COL18A1: variants seen among roughly 807,000 people sequenced by gnomAD.
The protein encoded by COL18A1 is collagen type XVIII alpha 1 chain, also known as collagen alpha-1(XVIII) chain.
A neutral mutation model predicts 168.0 loss-of-function variants in COL18A1; 133 were observed. That is an observed-to-expected ratio of 0.79 (90% CI 0.69 to 0.91). The LOEUF is 0.91. Among genes scored for constraint, COL18A1 ranks in the 40% least tolerant of loss-of-function variants. COL18A1 has a pLI of 0.00. For missense variants in COL18A1, 2,126 were observed against 1,925.4 expected (o/e 1.10, Z -1.95); for synonymous variants, 949 against 809.0 (o/e 1.17, Z -2.94).
At chr21:45,497,780 T>C in intron 32 of COL18A1, 119 bp downstream of exon 32, 1 of 1,382,782 alleles carries the variant, frequency 7.2e-7, no homozygotes, top group Non-Finnish European at 1.0e-6. Context: ...GGTGACCACC[T>C]CACCCTGCGG....
chr21:45,495,763 T>C, intron 29 of COL18A1: 1 of 374,670 alleles, frequency 2.7e-6, no homozygotes, highest in South Asian at 2.2e-5. Flanking sequence ...CACATGCCCA[T>C]ACACTCCACA....
chr21:45,459,347 G>C (rs1171396027), intron 2 of COL18A1, among the ~76,000 whole-genome samples: 4 of 152,232 alleles, frequency 2.6e-5, no homozygotes, highest in Admixed American at 2.6e-4. Context: ...CCCCGAAAGT[G>C]GGGGTGCTGG....
Position 45,505,314 on chromosome 21 carries a change from G to A in COL18A1, c.3013+36G>A, listed in dbSNP as rs551823807. 114 of 1,597,712 alleles carry A rather than the reference G, an allele frequency of 7.1e-5. 1 individual carries two copies. Among genetic ancestry groups the A allele is most frequent in the Admixed American group, 3.3e-4 (20 of 59,990 alleles). Reference sequence around the variant, plus strand: ...GGGGAGTGGGCCCCGGGCAGAGGCCGCCTCGTGTGGCTTCGTGTTCCCACC... The same window carrying A: ...GGGGAGTGGGCCCCGGGCAGAGGCCACCTCGTGTGGCTTCGTGTTCCCACC... On this transcript the variant is annotated intron_variant, in intron 35 of 41. Coordinates refer to ENST00000651438, the MANE Select transcript of COL18A1 (RefSeq NM_001379500.1).
At chr21:45,464,609 G>A (rs1041710219) in intron 2 of COL18A1, among the ~76,000 whole-genome samples, 11 of 152,142 alleles carry the variant, frequency 7.2e-5, no homozygotes, top group African/African-American at 2.4e-4. Flanking sequence ...CAGTTCACTG[G>A]GCTGAAACCA....
intron 4 of COL18A1, 48 bp from the exon 5 acceptor site, chr21:45,475,428 C>A: frequency 6.5e-7 from 1 of 1,532,492 alleles, no homozygotes. Context: ...GGCTCGGGGC[C>A]TGGCCTGGCT....
intron 2 of COL18A1, among the ~76,000 whole-genome samples, chr21:45,459,758 A>T (rs2034979952): frequency 6.6e-6 from 1 of 152,110 alleles, no homozygotes; most frequent in Non-Finnish European, 1.5e-5. Flanking sequence ...CCCTTGCTGC[A>T]GCTGCCAAGA....
At chr21:45,460,112 C>G (rs1258205570) in intron 2 of COL18A1, among the ~76,000 whole-genome samples, 1 of 147,786 alleles carries the variant, frequency 6.8e-6, no homozygotes, top group East Asian at 2.0e-4. Context: ...GCAAGTGTGG[C>G]TAGCAAGGAG....
chr21:45,475,452 C>G, intron 4 of COL18A1, 24 bp from the exon 5 acceptor site: 1 of 1,581,722 alleles, frequency 6.3e-7, no homozygotes, highest in Non-Finnish European at 8.6e-7. Flanking sequence ...ATCTCTCCAG[C>G]CTTTCCCTTT....
chr21:45,440,611 G>C, intron 2 of COL18A1, among the ~76,000 whole-genome samples: 1 of 151,484 alleles, frequency 6.6e-6, no homozygotes, highest in East Asian at 2.0e-4. Flanking sequence ...GGGGCCTGCT[G>C]GGGTTTGAGC....
intron 2 of COL18A1, among the ~76,000 whole-genome samples, chr21:45,437,103 GCA>G (rs138191311): frequency 6.1e-5 from 7 of 114,606 alleles, no homozygotes; most frequent in East Asian, 5.6e-4. Flanking sequence ...GCACTCTCCT[GCA>G]CACACACTCA....
intron 2 of COL18A1, among the ~76,000 whole-genome samples, chr21:45,453,992 G>T (rs1231097690): frequency 6.6e-6 from 1 of 152,178 alleles, no homozygotes; most frequent in Non-Finnish European, 1.5e-5. Context: ...GGAGGAGGGG[G>T]CAGTCTCTGG....
chr21:45,496,551 C>T lies in COL18A1; in HGVS notation c.2560C>T (p.Pro854Ser). 6.6e-7 allele frequency: 1 copy of T among 1,512,362 alleles called. No homozygotes were observed. The highest frequency in any genetic ancestry group is 1.1e-5 in the South Asian group (1 of 89,164). 93.7% of individuals were successfully genotyped at this position (1,512,362 alleles called of 1,614,324 possible). Reference protein sequence around the residue: ...PPGPPGPPGTPVYDSNVFAES... With the variant: ...PPGPPGPPGTSVYDSNVFAES... ...AGGGCCCCCAGGCCCTCCAGGGACT[C>T]CTGTTTACGACAGCAATGTAAGTCC... is the stretch of plus-strand genomic sequence containing the variant. The change falls in exon 30 of 42, where the codon CCT becomes TCT. Residue 854 changes from proline (P) to serine (S), a missense_variant. Transcript: ENST00000651438.
intron 6 of COL18A1, among the ~76,000 whole-genome samples, chr21:45,477,045 ATT>A (rs1458965725): frequency 6.6e-6 from 1 of 151,646 alleles, no homozygotes. Context: ...GTTGGTTTTC[ATT>A]TTTATTTTAA....
Position 45,463,664 on chromosome 21 carries a change from G to A in COL18A1, c.107-4578G>A, listed in dbSNP as rs1057310314. On this transcript the variant is annotated intron_variant, in intron 2 of 41. Coordinates refer to ENST00000651438, the MANE Select transcript of COL18A1 (RefSeq NM_001379500.1). The surrounding 1 kb of genome is among the most constrained non-coding windows in gnomAD (Gnocchi z 4.0). Reference sequence around the variant, plus strand: ...TGTAATCCCAGCACTTTGGGATGCCGAGGCATGCGGATCGCCTGAGGTCGG... The same window carrying A: ...TGTAATCCCAGCACTTTGGGATGCCAAGGCATGCGGATCGCCTGAGGTCGG... Among the ~76,000 whole-genome samples, 5 of 152,312 alleles carry A rather than the reference G, an allele frequency of 3.3e-5. No homozygotes were observed. In the East Asian group the frequency reaches 5.8e-4, roughly 18 times the overall value.
chr21:45,497,317 C>T (rs1434657542), intron 31 of COL18A1, among the ~76,000 whole-genome samples: 5 of 152,258 alleles, frequency 3.3e-5, no homozygotes, highest in African/African-American at 4.8e-5. Flanking sequence ...TGCTGTTCTC[C>T]GTTGAGATTT....
chr21:45,405,432 T>G lies in COL18A1; in HGVS notation c.65T>G (p.Leu22Arg). Reference protein sequence around the residue: ...RRRLLDVLAPLVLLLGVRAAS... With the variant: ...RRRLLDVLAPRVLLLGVRAAS... ...CGCCTCCTGGACGTGCTCGCGCCCC[T>G]GGTCCTGCTGCTCGGGGTCCGCGCG... The change falls in exon 2 of 42, where the codon CTG (leucine) becomes CGG (arginine). Residue 22 changes from leucine (L) to arginine (R), a missense_variant. Leu to Arg is a moderately radical substitution (Grantham distance 102, BLOSUM62 -2). Coordinates refer to ENST00000651438, the MANE Select transcript of COL18A1 (RefSeq NM_001379500.1). 7.3e-7 allele frequency: 1 copy of G among 1,373,542 alleles called. No homozygotes were observed. The highest frequency in any genetic ancestry group is 1.5e-5 in the South Asian group (1 of 66,038). The allele number at this position is 1,373,542 out of a possible 1,614,324, so 85.1% of individuals were successfully genotyped here.
intron 2 of COL18A1, among the ~76,000 whole-genome samples, chr21:45,441,756 C>A (rs1256335282): frequency 6.6e-6 from 1 of 152,274 alleles, no homozygotes; most frequent in Non-Finnish European, 1.5e-5. Flanking sequence ...CTCACCTGTC[C>A]CCCTCAGACG....
In COL18A1 at chr21:45,442,244, C is replaced by T. The variant is rs77197252; in HGVS notation, c.107-25998C>T. On this transcript the variant is annotated intron_variant, in intron 2 of 41. Transcript: ENST00000651438. ...AGGGTGCACGTGAGGAAACCCTGCC[C>T]GTTCTGTGCCCGTGCCTTGCTTTTT... Among the ~76,000 whole-genome samples the T allele has an allele frequency of 5.3e-4, 81 of 152,344 alleles. No individual in the cohort carries two copies. The East Asian group carries it at 0.015, about 28-fold the overall frequency.
At chr21:45,509,643 T>A (rs766108717) in intron 39 of COL18A1, 42 bp downstream of exon 39, 2 of 1,027,472 alleles carry the variant, frequency 1.9e-6, no homozygotes, top group South Asian at 1.3e-5. Context: ...ATCTAGCCCC[T>A]CGGCTCTCGG....
Sources: allele counts gnomAD v4.1 joint callset (sites outside exome capture counted in the v4.1 genomes callset), GRCh38; gene constraint gnomAD v4.1.1; non-coding constraint Gnocchi (gnomAD v3.1); transcripts MANE v1.5; gene names NCBI Gene and HGNC (gene_info 2026-07-23, HGNC 2026-07-21).